The following SLC2A13 variants were observed in gnomAD, a reference collection of about 807,000 sequenced individuals.
SLC2A13 encodes the protein solute carrier family 2 member 13, also known as proton myo-inositol cotransporter.
Under a neutral mutation model 64.4 loss-of-function variants are expected in SLC2A13, and 32 were observed. The observed-to-expected ratio is 0.50, with a 90% CI of 0.37 to 0.67. SLC2A13 has a LOEUF of 0.67. Ranked by LOEUF, SLC2A13 falls within the 30% of genes least tolerant of loss-of-function variation. The probability of loss-of-function intolerance (pLI) is 0.00; values close to 1 mark genes in which losing one functional copy is unlikely to be tolerated. For missense variants in SLC2A13, 743 were observed against 829.2 expected, an observed-to-expected ratio of 0.90 and a Z score of 1.28; for synonymous variants, 338 against 327.1, an observed-to-expected ratio of 1.03 and a Z score of -0.36.
At chr12:39,980,863 G>C (rs1313716025) in intron 3 of SLC2A13, among the ~76,000 whole-genome samples, 2 of 151,746 alleles carry the variant, frequency 1.3e-5, no homozygotes, top group African/African-American at 2.4e-5. Context: ...CAAATCAACA[G>C]AATATACATT....
intron 8 of SLC2A13, 57 bp from the exon 9 acceptor site, chr12:39,764,669 T>A: frequency 6.3e-7 from 1 of 1,581,658 alleles, no homozygotes; most frequent in Admixed American, 1.9e-5. Context: ...ATTTGAAAAA[T>A]TATAGTTTAT....
intron 4 of SLC2A13, among the ~76,000 whole-genome samples, chr12:39,896,522 A>ATGTG (rs1944908554): frequency 2.2e-5 from 3 of 136,762 alleles, no homozygotes; most frequent in Admixed American, 8.6e-5. Context: ...GTGTGTATAC[A>ATGTG]TGTATACATG....
At chr12:39,936,414 C>T (rs955035465) in intron 4 of SLC2A13, among the ~76,000 whole-genome samples, 2 of 152,150 alleles carry the variant, frequency 1.3e-5, no homozygotes, top group African/African-American at 2.4e-5. Flanking sequence ...ATATACCCTA[C>T]AGAAATAACA....
At chr12:40,068,102 G>A in intron 1 of SLC2A13, 1 of 179,462 alleles carries the variant, frequency 5.6e-6, no homozygotes, top group Non-Finnish European at 1.2e-5. Context: ...TAGAGACAGG[G>A]TCTCACTATG....
intron 4 of SLC2A13, among the ~76,000 whole-genome samples, chr12:39,906,012 T>G (rs1945266476): frequency 1.3e-5 from 2 of 152,166 alleles, no homozygotes. Context: ...TTAAGAGGAC[T>G]CTCATAATCT....
intron 1 of SLC2A13, among the ~76,000 whole-genome samples, chr12:40,077,331 T>C (rs182114513): frequency 1.5e-4 from 23 of 152,242 alleles, no homozygotes; most frequent in African/African-American, 5.5e-4. Context: ...TTTTTGTATA[T>C]GAAGAAAGGA....
At chr12:39,980,340 A>C (rs1041917298) in intron 3 of SLC2A13, among the ~76,000 whole-genome samples, 2 of 152,208 alleles carry the variant, frequency 1.3e-5, no homozygotes, top group African/African-American at 4.8e-5. Flanking sequence ...CTTTAAATGT[A>C]AATGGACTAT....
At chr12:39,922,234 G>T (rs911312321) in intron 4 of SLC2A13, among the ~76,000 whole-genome samples, 54 of 152,120 alleles carry the variant, frequency 3.5e-4, no homozygotes, top group Non-Finnish European at 1.3e-4. Context: ...TTTGACAGGA[G>T]AATTTTTCAT....
intron 1 of SLC2A13, among the ~76,000 whole-genome samples, chr12:40,053,053 C>T (rs147578495): frequency 6.6e-6 from 1 of 151,936 alleles, no homozygotes; most frequent in Admixed American, 6.6e-5. Context: ...GAGGCAGAGG[C>T]AGGTGGATCA....
intron 6 of SLC2A13, among the ~76,000 whole-genome samples, chr12:39,831,973 A>C (rs931763102): frequency 1.5e-4 from 23 of 152,144 alleles, no homozygotes; most frequent in Admixed American, 1.4e-3. Context: ...ACAGACTAAC[A>C]CAACTGGCAT....
chr12:39,963,938 G>A (rs1396970646), intron 3 of SLC2A13, among the ~76,000 whole-genome samples: 1 of 152,048 alleles, frequency 6.6e-6, no homozygotes, highest in Non-Finnish European at 1.5e-5. Flanking sequence ...AACTCAGCCT[G>A]AATTCAATGG....
In SLC2A13 at chr12:39,861,875, A is replaced by T. The variant is rs192298952; in HGVS notation, c.1319+2887T>A. 2.1e-3 allele frequency among the ~76,000 whole-genome samples: 313 copies of T among 151,810 alleles called. 2 individuals carry two copies. The highest frequency in any genetic ancestry group is 7.0e-3 in the African/African-American group (288 of 41,422). On this transcript the variant is annotated intron_variant, in intron 6 of 9. Transcript: ENST00000280871. ...GCAGATCTAAAAGGTGTTTTTTTTTAAATTTAATTTTAAGTTCCAGGATAC... is the reference window on the plus strand; with the variant it reads ...GCAGATCTAAAAGGTGTTTTTTTTTTAATTTAATTTTAAGTTCCAGGATAC...
chr12:40,032,670 A>G (rs1947923008), intron 2 of SLC2A13, among the ~76,000 whole-genome samples: 1 of 152,202 alleles, frequency 6.6e-6, no homozygotes, highest in South Asian at 2.1e-4. Flanking sequence ...TGTCTCTTCC[A>G]TCAGATGGCC....
At chr12:39,782,504 A>G (rs11173551) in intron 7 of SLC2A13, among the ~76,000 whole-genome samples, 20,585 of 152,172 alleles carry the variant, frequency 0.14, 1,679 homozygotes, top group East Asian at 0.39. Flanking sequence ...AGGCCTCCCC[A>G]GCCATGTGGA....
chr12:39,937,725 G>A (rs1389055983), intron 4 of SLC2A13, among the ~76,000 whole-genome samples: 1 of 152,088 alleles, frequency 6.6e-6, no homozygotes, highest in Non-Finnish European at 1.5e-5. Flanking sequence ...TCTGATTCAG[G>A]AAGCATGACA....
chr12:40,049,871 TAA>T lies in SLC2A13; in HGVS notation c.557-1663_557-1662del. On this transcript the variant is annotated intron_variant, in intron 1 of 9. Transcript: ENST00000280871. ...TAAATTTGCACACAAGTCAAACCATTAAGTCTCAGAACTAGATACTAATTTCC... is the reference window on the plus strand; with the variant it reads ...TAAATTTGCACACAAGTCAAACCATTGTCTCAGAACTAGATACTAATTTCC... Among the ~76,000 whole-genome samples the T allele has an allele frequency of 2.0e-5, 3 of 152,272 alleles. No individual in the cohort carries two copies. In the South Asian group the frequency reaches 6.2e-4, roughly 32 times the overall value.
intron 7 of SLC2A13, among the ~76,000 whole-genome samples, chr12:39,791,184 T>G (rs1203441948): frequency 2.6e-5 from 4 of 151,794 alleles, no homozygotes; most frequent in Admixed American, 6.6e-5. Flanking sequence ...CCCTTCATGC[T>G]AAAAACTCTC....
intron 3 of SLC2A13, among the ~76,000 whole-genome samples, chr12:40,013,486 G>A (rs959337639): frequency 2.6e-5 from 4 of 152,158 alleles, no homozygotes; most frequent in Non-Finnish European, 5.9e-5. Flanking sequence ...CAACTAAGTT[G>A]CCTAAAGTTG....
chr12:39,854,476 C>A lies in SLC2A13; in HGVS notation c.1319+10286G>T, dbSNP rs188933095. ...CATAAAATTGAACTGCCTGCCCAAA[C>A]GCCTTTTCCCTCATACTTTGCCTTT... On this transcript the variant is annotated intron_variant, in intron 6 of 9. Transcript: ENST00000280871. 2.0e-5 allele frequency among the ~76,000 whole-genome samples: 3 copies of A among 152,288 alleles called. No homozygotes were observed. The East Asian group carries it at 5.8e-4, about 29-fold the overall frequency.
Sources: gnomAD v4.1 joint callset for allele counts (sites outside exome capture counted in the v4.1 genomes callset) on GRCh38, gnomAD v4.1.1 for gene constraint, MANE v1.5 for transcripts, NCBI Gene and HGNC (gene_info 2026-07-23, HGNC 2026-07-21) for gene names.